The following DST variants were observed in gnomAD, a reference collection of about 807,000 sequenced individuals.
DST encodes the protein dystonin, also known as bullous pemphigoid antigen.
In DST, 253 loss-of-function variants were observed where a neutral mutation model predicts 875.2. The observed-to-expected ratio is 0.29, with a 90% CI of 0.26 to 0.32. The LOEUF (loss-of-function observed/expected upper bound fraction) is 0.32, where lower values mean the gene tolerates loss of function less well. Ranked by LOEUF, DST falls within the 10% of genes least tolerant of loss-of-function variation. The pLI, the probability that DST is intolerant of heterozygous loss-of-function variation, is 1.00. For missense variants in DST, 8,287 were observed against 9,111.6 expected (o/e 0.91, Z 3.68); for synonymous variants, 3,124 against 3,197.1 (o/e 0.98, Z 0.77).
chr6:56,603,750 T>G, intron 40 of DST, 37 bp from the exon 41 acceptor site: 1 of 1,582,904 alleles, frequency 6.3e-7, no homozygotes, highest in Non-Finnish European at 8.6e-7. Flanking sequence ...TCAATAACCT[T>G]TATGCAGATG....
chr6:56,576,843 A>T (rs2097872692), intron 50 of DST, among the ~76,000 whole-genome samples: 1 of 152,172 alleles, frequency 6.6e-6, no homozygotes, highest in South Asian at 2.1e-4. Flanking sequence ...CCATACTGGC[A>T]GCCTGTTCTC....
intron 4 of DST, among the ~76,000 whole-genome samples, chr6:56,836,850 C>CAAAAAAAAAAA (rs1362120373): frequency 5.4e-5 from 4 of 74,434 alleles, no homozygotes; most frequent in African/African-American, 1.7e-4. Flanking sequence ...GACTCCATCT[C>CAAAAAAAAAAA]AAAAAAAAAA....
intron 10 of DST, among the ~76,000 whole-genome samples, chr6:56,663,293 CA>C (rs2099054748): frequency 6.6e-6 from 1 of 152,188 alleles, no homozygotes; most frequent in South Asian, 2.1e-4. Context: ...TTTCTGTTCT[CA>C]AAGTTCAATC....
intron 91 of DST, among the ~76,000 whole-genome samples, chr6:56,476,946 C>G (rs550734887): frequency 6.6e-6 from 1 of 151,444 alleles, no homozygotes; most frequent in Non-Finnish European, 1.5e-5. Flanking sequence ...ATCGAGACTC[C>G]GTCAAAAGAA....
intron 13 of DST, among the ~76,000 whole-genome samples, chr6:56,647,521 T>C (rs544079674): frequency 6.6e-4 from 100 of 152,286 alleles, no homozygotes; most frequent in Middle Eastern, 6.8e-3. Context: ...CCCAGTTTGA[T>C]CATGAAAATA....
chr6:56,757,859 G>A (rs959028956), intron 4 of DST, among the ~76,000 whole-genome samples: 11 of 152,108 alleles, frequency 7.2e-5, no homozygotes, highest in Non-Finnish European at 1.3e-4. Flanking sequence ...CCTCCTGCTG[G>A]ACTTCTCTCA....
At chr6:56,880,190 A>G (rs528887408) in intron 3 of DST, among the ~76,000 whole-genome samples, 1 of 152,368 alleles carries the variant, frequency 6.6e-6, no homozygotes, top group Admixed American at 6.5e-5. Context: ...GTTAAGCGAT[A>G]ACTCTTCAGA....
chr6:56,510,962 G>A (rs565456920), intron 73 of DST, among the ~76,000 whole-genome samples: 177 of 152,192 alleles, frequency 1.2e-3, no homozygotes, highest in African/African-American at 3.7e-3. Flanking sequence ...ACAACTGCAC[G>A]TTTCTTAAGT....
chr6:56,787,775 A>G (rs868391772), intron 4 of DST, among the ~76,000 whole-genome samples: 20 of 152,292 alleles, frequency 1.3e-4, no homozygotes, highest in Middle Eastern at 6.8e-3. Context: ...AAAGTACTAT[A>G]ATGTTAACTT....
intron 26 of DST, 53 bp downstream of exon 26, chr6:56,634,409 C>A: frequency 1.2e-6 from 2 of 1,610,706 alleles, no homozygotes; most frequent in South Asian, 1.1e-5. Flanking sequence ...GTTCCTTCAA[C>A]CTTCAGAGGG....
chr6:56,774,022 G>A (rs1213702804), intron 4 of DST, among the ~76,000 whole-genome samples: 1 of 149,800 alleles, frequency 6.7e-6, no homozygotes, highest in Non-Finnish European at 1.5e-5. Context: ...GCTGAGGCAG[G>A]AGAATCGCTT....
At chr6:56,559,679 C>T (rs1159600994) in intron 58 of DST, among the ~76,000 whole-genome samples, 1 of 151,884 alleles carries the variant, frequency 6.6e-6, no homozygotes, top group Non-Finnish European at 1.5e-5. Context: ...TTTTTTTCTA[C>T]CCCCTTTACA....
In DST at chr6:56,482,639, A is replaced by G. The variant is rs772244740; in HGVS notation, c.21402+44T>C. ...TAGAATAGTTCTTGTTGAGGTTTCA[A>G]TACTTTTCCCATTACACCCAGCTCT... On this transcript the variant is annotated intron_variant, in intron 89 of 103. Transcript: ENST00000680361. 5 of 1,579,226 alleles carry G rather than the reference A, an allele frequency of 3.2e-6. No homozygotes were observed. The African/African-American group carries it at 4.1e-5, about 13-fold the overall frequency.
At position 56,872,825 on chromosome 6, in the gene DST, C is replaced by G. The variant is rs368684634; in HGVS notation, c.418-21221G>C. Reference sequence around the variant, plus strand: ...AGAATCTCTTCAATACACTGATTCCCCCCCCCCTTTTTTTTTTTTTCGGAT... The same window carrying G: ...AGAATCTCTTCAATACACTGATTCCGCCCCCCCTTTTTTTTTTTTTCGGAT... On this transcript the variant is annotated intron_variant, in intron 3 of 103. Coordinates refer to ENST00000680361, the MANE Select transcript of DST (RefSeq NM_001374736.1). Among the ~76,000 whole-genome samples the G allele has an allele frequency of 4.9e-3, 663 of 136,112 alleles. 6 individuals carry two copies. Among genetic ancestry groups the G allele is most frequent in the Non-Finnish European group, 6.1e-3 (397 of 65,120 alleles). The allele number at this position is 136,112 out of a possible 152,430, so 89.3% of individuals were successfully genotyped here. A position where few individuals can be genotyped will look rare whatever the true frequency, so the allele number is the denominator to read the frequency against.
At chr6:56,558,529 T>C (rs1425056166) in intron 58 of DST, among the ~76,000 whole-genome samples, 1 of 152,094 alleles carries the variant, frequency 6.6e-6, no homozygotes, top group Non-Finnish European at 1.5e-5. Flanking sequence ...GGAGCACACT[T>C]GGAGAACTAA....
intron 49 of DST, among the ~76,000 whole-genome samples, chr6:56,585,645 T>A (rs2098131483): frequency 6.6e-6 from 1 of 152,088 alleles, no homozygotes; most frequent in South Asian, 2.1e-4. Flanking sequence ...AGCTTTTGAA[T>A]GTGTTTGCTC....
chr6:56,841,048 A>C (rs1378791996), intron 4 of DST, among the ~76,000 whole-genome samples: 1 of 152,236 alleles, frequency 6.6e-6, no homozygotes, highest in Non-Finnish European at 1.5e-5. Flanking sequence ...GATTTCAGAA[A>C]GTGAGCAACC....
chr6:56,877,449 G>T (rs1780065851), intron 3 of DST, among the ~76,000 whole-genome samples: 1 of 152,192 alleles, frequency 6.6e-6, no homozygotes, highest in Non-Finnish European at 1.5e-5. Context: ...CCAGCTACCT[G>T]GGAGGCAGAG....
chr6:56,806,723 T>A (rs534606420), intron 4 of DST, among the ~76,000 whole-genome samples: 1 of 152,338 alleles, frequency 6.6e-6, no homozygotes, highest in Admixed American at 6.5e-5. Context: ...ATGATAATAA[T>A]GACAACAACT....
Sources: allele counts gnomAD v4.1 joint callset (sites outside exome capture counted in the v4.1 genomes callset), GRCh38; gene constraint gnomAD v4.1.1; transcripts MANE v1.5; gene names NCBI Gene and HGNC (gene_info 2026-07-23, HGNC 2026-07-21).